The following AGBL1 variants were observed in gnomAD, a reference collection of about 807,000 sequenced individuals.
AGBL1 encodes the protein cytosolic carboxypeptidase 4.
AGBL1 carries 130 observed loss-of-function variants against 118.9 expected under a neutral mutation model. That is an observed-to-expected ratio of 1.09 (90% CI 0.95 to 1.26). The LOEUF is 1.26. Ranked by LOEUF, AGBL1 falls within the 50% of genes most tolerant of loss-of-function variation. The pLI, the probability that AGBL1 is intolerant of heterozygous loss-of-function variation, is 0.00. For missense variants in AGBL1, 1,584 were observed against 1,298.1 expected, an observed-to-expected ratio of 1.22 and a Z score of -3.38; for synonymous variants, 555 against 478.9, an observed-to-expected ratio of 1.16 and a Z score of -2.08.
intron 21 of AGBL1, among the ~76,000 whole-genome samples, chr15:86,565,034 A>T (rs770157915): frequency 4.6e-5 from 7 of 152,052 alleles, no homozygotes; most frequent in Non-Finnish European, 1.0e-4. Context: ...CCATTTGTTT[A>T]ATCTGTTTTC....
At chr15:86,367,309 C>G (rs2080903910) in intron 17 of AGBL1, among the ~76,000 whole-genome samples, 1 of 152,162 alleles carries the variant, frequency 6.6e-6, no homozygotes, top group Admixed American at 6.5e-5. Context: ...AATAGACAGT[C>G]TAGTTTATTC....
chr15:86,887,692 T>A (rs1342859378), intron 22 of AGBL1, among the ~76,000 whole-genome samples: 1 of 152,318 alleles, frequency 6.6e-6, no homozygotes, highest in Non-Finnish European at 1.5e-5. Flanking sequence ...TCCCTGACAT[T>A]GTTCCATGCA....
At chr15:86,665,974 C>G (rs907133679) in intron 21 of AGBL1, among the ~76,000 whole-genome samples, 2 of 152,136 alleles carry the variant, frequency 1.3e-5, no homozygotes, top group African/African-American at 4.8e-5. Context: ...ATTTCATCAT[C>G]ATCGCGTAGA....
chr15:86,815,208 G>A (rs1205684169), intron 22 of AGBL1, among the ~76,000 whole-genome samples: 1 of 152,070 alleles, frequency 6.6e-6, no homozygotes, highest in Admixed American at 6.5e-5. Flanking sequence ...GCTCAGCAGA[G>A]GTTCCAAAAA....
chr15:86,083,564 TG>T (rs1186046985), intron 1 of AGBL1: 1 of 152,214 alleles, frequency 6.6e-6, no homozygotes, highest in East Asian at 1.9e-4. Flanking sequence ...CCATCTATTA[TG>T]GATTATGAAT....
intron 18 of AGBL1, among the ~76,000 whole-genome samples, chr15:86,471,008 CT>C (rs991859367): frequency 3.9e-4 from 59 of 152,106 alleles, no homozygotes; most frequent in African/African-American, 1.4e-3. Context: ...ATTTTTATGC[CT>C]TTTATTTCCT....
chr15:86,476,100 C>A (rs1240888668), intron 18 of AGBL1, among the ~76,000 whole-genome samples: 11 of 152,304 alleles, frequency 7.2e-5, no homozygotes, highest in East Asian at 5.8e-4. Flanking sequence ...TGGAAAGGAA[C>A]AACCAGTACC....
intron 24 of AGBL1, among the ~76,000 whole-genome samples, chr15:87,006,151 T>G (rs1010883186): frequency 6.6e-6 from 1 of 152,192 alleles, no homozygotes; most frequent in Non-Finnish European, 1.5e-5. Context: ...AGGGACCCAC[T>G]TGAGGAGGCA....
chr15:86,556,395 A>AC (rs1241275836), intron 21 of AGBL1: 1 of 932,882 alleles, frequency 1.1e-6, no homozygotes, highest in Non-Finnish European at 1.7e-6. Flanking sequence ...ACAGTGCCAG[A>AC]CCTGGTTTTG....
At chr15:86,162,307 T>C (rs1441601120) in intron 5 of AGBL1, among the ~76,000 whole-genome samples, 1 of 152,164 alleles carries the variant, frequency 6.6e-6, no homozygotes, top group Non-Finnish European at 1.5e-5. Flanking sequence ...TAGGAGCAGA[T>C]GCCCAGTGTT....
intron 22 of AGBL1, among the ~76,000 whole-genome samples, chr15:86,676,680 T>A (rs1412268340): frequency 2.0e-5 from 3 of 152,208 alleles, no homozygotes; most frequent in African/African-American, 7.2e-5. Context: ...CCTCCTCTCC[T>A]CCTGCCTCTT....
intron 17 of AGBL1, among the ~76,000 whole-genome samples, chr15:86,338,037 A>G (rs12901119): frequency 1.3e-5 from 2 of 151,812 alleles, no homozygotes; most frequent in African/African-American, 2.4e-5. Flanking sequence ...TGAGTTTGCA[A>G]TCTAGTGAAG....
At chr15:86,795,183 T>A (rs1387468104) in intron 22 of AGBL1, among the ~76,000 whole-genome samples, 1 of 152,236 alleles carries the variant, frequency 6.6e-6, no homozygotes, top group Non-Finnish European at 1.5e-5. Flanking sequence ...CAGCTTTAAT[T>A]GCCAGATCGT....
rs1412098428 is a variant in AGBL1 at position 86,613,387 on chromosome 15, G to A, written c.2994+58850G>A. On this transcript the variant is annotated intron_variant, in intron 21 of 22. Transcript: ENST00000614907. The surrounding 1 kb of genome is among the most constrained non-coding windows in gnomAD (Gnocchi z 4.2). The stretch of plus-strand genomic sequence containing the variant: ...ACACCGGTTGGTGCGTGGACAGTTA[G>A]TGGGTGAGAAGACAGTGTCTGGCAT... Among the ~76,000 whole-genome samples the A allele has an allele frequency of 6.6e-6, 1 of 152,188 alleles. No individual in the cohort carries two copies. The highest frequency in any genetic ancestry group is 1.5e-5 in the Non-Finnish European group (1 of 68,038).
intron 1 of AGBL1, among the ~76,000 whole-genome samples, chr15:86,108,584 A>G (rs1729162120): frequency 6.6e-6 from 1 of 152,202 alleles, no homozygotes. Context: ...TAGGTGCTCC[A>G]GTTTCTCTTC....
intron 18 of AGBL1, among the ~76,000 whole-genome samples, chr15:86,456,527 G>A (rs1407520572): frequency 6.6e-6 from 1 of 152,134 alleles, no homozygotes; most frequent in Non-Finnish European, 1.5e-5. Context: ...TAACTATTGT[G>A]GTATTCAGAG....
chr15:86,364,381 A>G (rs776553211), intron 17 of AGBL1, among the ~76,000 whole-genome samples: 28 of 152,212 alleles, frequency 1.8e-4, no homozygotes, highest in Non-Finnish European at 3.7e-4. Flanking sequence ...ATTATGTGCT[A>G]TAGTCAGAGA....
At chr15:86,223,051 G>A (rs548489582) in intron 5 of AGBL1, among the ~76,000 whole-genome samples, 144 of 152,284 alleles carry the variant, frequency 9.5e-4, no homozygotes, top group Admixed American at 2.2e-3. Context: ...CACACTTTGA[G>A]TAGCAAGATT....
intron 5 of AGBL1, among the ~76,000 whole-genome samples, chr15:86,163,442 T>C (rs1286933662): frequency 6.6e-6 from 1 of 151,882 alleles, no homozygotes; most frequent in Non-Finnish European, 1.5e-5. Flanking sequence ...AATAAATAAA[T>C]GAGGGCTGGG....
Sources: allele counts gnomAD v4.1 joint callset (sites outside exome capture counted in the v4.1 genomes callset), GRCh38; gene constraint gnomAD v4.1.1; non-coding constraint Gnocchi (gnomAD v3.1); transcripts MANE v1.5; gene names NCBI Gene and HGNC (gene_info 2026-07-23, HGNC 2026-07-21).